AGBL3: variants seen among roughly 807,000 people sequenced by gnomAD.
AGBL3 encodes the protein cytosolic carboxypeptidase 3.
A neutral mutation model predicts 94.5 loss-of-function variants in AGBL3; 68 were observed. That is an observed-to-expected ratio of 0.72 (90% CI 0.59 to 0.88). The LOEUF is 0.88. AGBL3 is among the 40% of genes least tolerant of loss of function. The pLI is 0.00. For missense variants in AGBL3, 934 were observed against 1,103.8 expected, an observed-to-expected ratio of 0.85 and a Z score of 2.18; for synonymous variants, 354 against 370.7, an observed-to-expected ratio of 0.95 and a Z score of 0.52.
chr7:135,105,313 G>A (rs375445891), intron 15 of AGBL3, among the ~76,000 whole-genome samples: 266 of 136,776 alleles, frequency 1.9e-3, no homozygotes, highest in African/African-American at 6.6e-3. Flanking sequence ...CAGGTGATCC[G>A]CCTGCCTCGG....
intron 12 of AGBL3, 65 bp downstream of exon 12, chr7:135,059,300 A>C (rs1818618303): frequency 2.7e-6 from 3 of 1,116,620 alleles, no homozygotes; most frequent in Non-Finnish European, 3.7e-6. Context: ...ATTGTGACTA[A>C]TAATCAGGCA....
intron 15 of AGBL3, among the ~76,000 whole-genome samples, chr7:135,108,676 G>C (rs1187759177): frequency 6.6e-6 from 1 of 152,024 alleles, no homozygotes; most frequent in Non-Finnish European, 1.5e-5. Flanking sequence ...TGTGTCTTGG[G>C]AATGATCTTC....
intron 16 of AGBL3, among the ~76,000 whole-genome samples, chr7:135,116,632 G>A (rs1297032838): frequency 6.6e-6 from 1 of 152,166 alleles, no homozygotes; most frequent in Non-Finnish European, 1.5e-5. Flanking sequence ...AGGCCAGTGG[G>A]AGGGTCAAAG....
intron 16 of AGBL3, chr7:135,129,720 G>A (rs1002994718): frequency 1.3e-6 from 1 of 743,626 alleles, no homozygotes; most frequent in South Asian, 1.4e-5. Context: ...TATGGAAGTG[G>A]ATTGGTTTTC....
At chr7:135,066,278 A>G (rs1252033124) in intron 12 of AGBL3, among the ~76,000 whole-genome samples, 2 of 152,234 alleles carry the variant, frequency 1.3e-5, no homozygotes, top group Non-Finnish European at 2.9e-5. Flanking sequence ...ACAACTTAAT[A>G]GCAAAAGAAC....
intron 4 of AGBL3, among the ~76,000 whole-genome samples, chr7:134,996,219 G>A (rs1810990836): frequency 6.6e-6 from 1 of 152,080 alleles, no homozygotes; most frequent in Non-Finnish European, 1.5e-5. Context: ...CACATAGACT[G>A]CCTGTCTTCA....
At chr7:135,080,866 G>GTATA (rs1820864892) in intron 14 of AGBL3, among the ~76,000 whole-genome samples, 1 of 143,286 alleles carries the variant, frequency 7.0e-6, no homozygotes, top group Non-Finnish European at 1.6e-5. Context: ...TTATGTGTGT[G>GTATA]TGTATATATA....
chr7:135,101,145 G>A (rs1355556007), intron 15 of AGBL3: 3 of 455,590 alleles, frequency 6.6e-6, no homozygotes, highest in Admixed American at 2.4e-5. Context: ...ATCAGTGAGA[G>A]GCCAATCTAG....
In AGBL3 at chr7:135,034,236, G is replaced by A; in HGVS notation, c.645G>A (p.Met215Ile). The change falls in exon 7 of 17, where the codon ATG (methionine) becomes ATA (isoleucine). Residue 215 changes from methionine to isoleucine, a missense_variant. This residue lies in a region of AGBL3 where 488 missense variants were observed against 563.6 expected (regional missense o/e 0.87). Coordinates refer to ENST00000436302, the MANE Select transcript of AGBL3 (RefSeq NM_178563.4). ...GGTACTATTTCCAAGTCACTAATAT[G>A]CGAGCAGGAATAGTCTACAGATTCA... ...TQWYYFQVTNMRAGIVYRFTI... is the reference protein window; with the variant it reads ...TQWYYFQVTNIRAGIVYRFTI... 3 of 1,551,558 alleles carry A rather than the reference G, an allele frequency of 1.9e-6. No homozygotes were observed. Among genetic ancestry groups the A allele is most frequent in the Non-Finnish European group, 2.6e-6 (3 of 1,146,958 alleles).
intron 4 of AGBL3, chr7:135,011,177 A>G (rs1261082650): frequency 1.3e-5 from 2 of 152,234 alleles, no homozygotes; most frequent in Admixed American, 1.3e-4. Context: ...AGAAAGTTAA[A>G]GATGGTCTTT....
rs1454336608 is a variant in AGBL3 at position 135,135,242 on chromosome 7, A to ACT, written c.2744_2745insCT (p.Lys915AsnfsTer19). On this transcript the variant is annotated frameshift_variant, in exon 17 of 17. Transcript: ENST00000436302. LOFTEE classifies it high-confidence loss of function. ...GATGGACAACCCACCTTATATCTGA[A>ACT]GTTCCAAAGGGAGAGTTAATCTAGC... is the stretch of plus-strand genomic sequence containing the variant. The ACT allele has an allele frequency of 6.6e-7, 1 of 1,526,680 alleles. No individual in the cohort carries two copies. The highest frequency in any genetic ancestry group is 8.8e-7 in the Non-Finnish European group (1 of 1,136,488). 94.6% of individuals were successfully genotyped at this position (1,526,680 alleles called of 1,614,324 possible).
rs1824019919 is a variant in AGBL3 at position 135,102,637 on chromosome 7, T to TTC, written c.2111-12743_2111-12742insTC. On this transcript the variant is annotated intron_variant, in intron 15 of 16. Transcript: ENST00000436302. The stretch of plus-strand genomic sequence containing the variant: ...CCTTTCTCTTGTGGTTTTTTTTTTT[T>TTC]CATTGCTCTAATGCTTGGAAGGTTT... Among the ~76,000 whole-genome samples the TTC allele has an allele frequency of 1.3e-4, 19 of 151,500 alleles. No homozygotes were observed. In the South Asian group the frequency reaches 4.0e-3, roughly 32 times the overall value.
rs1820942230 is a variant in AGBL3, at chr7:135,081,784, G to A, written c.2104G>A (p.Gly702Ser). The A allele has an allele frequency of 6.5e-7, 1 of 1,532,122 alleles. No homozygotes were observed. Among genetic ancestry groups the A allele is most frequent in the African/African-American group, 1.4e-5 (1 of 72,934 alleles). The allele number at this position is 1,532,122 out of a possible 1,614,324, so 94.9% of individuals were successfully genotyped here. A position where few individuals can be genotyped will look rare whatever the true frequency, so the allele number is the denominator to read the frequency against. The change falls in exon 15 of 17, where the codon GGT becomes AGT. Residue 702 changes from glycine (G) to serine (S), a missense_variant. Around this residue, in one of 3 missense-constraint regions of AGBL3, gnomAD observed 441 missense variants for 518.2 expected, o/e 0.85. Transcript: ENST00000436302. Reference sequence around the variant, plus strand: ...TTTCAGAAGACAATTACCTAATCAAGGTTTGGGTGAGTAAAATAGGAACAC... The same window carrying A: ...TTTCAGAAGACAATTACCTAATCAAAGTTTGGGTGAGTAAAATAGGAACAC... ...DYFRRQLPNQGLDLHHNLKSK... is the reference protein window; with the variant it reads ...DYFRRQLPNQSLDLHHNLKSK...
At chr7:135,049,249 A>C (rs1359689378) in intron 11 of AGBL3, among the ~76,000 whole-genome samples, 1 of 151,968 alleles carries the variant, frequency 6.6e-6, no homozygotes, top group Non-Finnish European at 1.5e-5. Context: ...ATATTGAACC[A>C]TACTTGCATC....
At chr7:134,990,263 T>C (rs570397222) in intron 3 of AGBL3, among the ~76,000 whole-genome samples, 1 of 152,322 alleles carries the variant, frequency 6.6e-6, no homozygotes, top group African/African-American at 2.4e-5. Context: ...ATCCTCTCCT[T>C]CCAGGCTTCA....
intron 15 of AGBL3, among the ~76,000 whole-genome samples, chr7:135,108,858 T>C (rs1254204250): frequency 1.3e-5 from 2 of 152,216 alleles, no homozygotes. Context: ...AATCCATGTT[T>C]CTCAGAGGTT....
chr7:135,128,575 C>G lies in AGBL3; in HGVS notation c.2343-6266C>G, dbSNP rs1403455384. ...TCTATTTGGATTTGCCATAGAATTT[C>G]AAGATGTTTGTGAGCGCTATCTGCT... On this transcript the variant is annotated intron_variant, in intron 16 of 16. Coordinates refer to ENST00000436302, the MANE Select transcript of AGBL3 (RefSeq NM_178563.4). 1.0e-5 allele frequency: 8 copies of G among 770,346 alleles called. No homozygotes were observed. The East Asian group carries it at 2.0e-4, about 19-fold the overall frequency. 47.7% of individuals were successfully genotyped at this position (770,346 alleles called of 1,614,324 possible).
intron 4 of AGBL3, among the ~76,000 whole-genome samples, chr7:134,994,364 A>G (rs1277318479): frequency 1.3e-5 from 2 of 152,074 alleles, no homozygotes; most frequent in African/African-American, 4.8e-5. Flanking sequence ...ATGAAACTGA[A>G]GAGTATATAT....
chr7:134,992,809 C>CA (rs1810462095), intron 3 of AGBL3, among the ~76,000 whole-genome samples: 1 of 152,072 alleles, frequency 6.6e-6, no homozygotes, highest in African/African-American at 2.4e-5. Context: ...TAAATCTCGG[C>CA]AAAAAGCCAC....
Sources: gnomAD v4.1 joint callset for allele counts (sites outside exome capture counted in the v4.1 genomes callset) on GRCh38, gnomAD v4.1.1 for gene constraint, gnomAD v4.1.1 regional missense constraint, MANE v1.5 for transcripts, NCBI Gene and HGNC (gene_info 2026-07-23, HGNC 2026-07-21) for gene names.